Variants in GNAI3 observed in about 807,000 individuals in gnomAD.
GNAI3 encodes the protein G protein subunit alpha i3.
Under a neutral mutation model 41.8 loss-of-function variants are expected in GNAI3, and 12 were observed. The ratio of observed to expected loss-of-function variants is 0.29; its 90% CI spans 0.18 to 0.47. The LOEUF is 0.47. GNAI3 is among the 20% of genes least tolerant of loss of function. The pLI is 1.00. For missense variants in GNAI3, 360 were observed against 429.6 expected (o/e 0.84, Z 1.43); for synonymous variants, 132 against 146.5 (o/e 0.90, Z 0.71).
Position 109,591,607 on chromosome 1 carries a change from C to G in GNAI3, c.875-436C>G, listed in dbSNP as rs544385306. ...CTGTGCTAATCTTCTCTGTATTGTT[C>G]CAATTTTAGTACATGTGCTACCAAA... On this transcript the variant is annotated intron_variant, in intron 7 of 8. Transcript: ENST00000369851. 68 of 478,416 alleles carry G rather than the reference C, an allele frequency of 1.4e-4. 1 individual carries two copies. The highest frequency in any genetic ancestry group is 2.3e-4 in the Non-Finnish European group (60 of 262,982). The allele number at this position is 478,416 out of a possible 1,614,324, so 29.6% of individuals were successfully genotyped here. A position where few individuals can be genotyped will look rare whatever the true frequency, so the allele number is the denominator to read the frequency against.
rs1404320775 is a variant in GNAI3, at chr1:109,593,973, A to G, written c.*1651A>G. 1 of 152,670 alleles carries G rather than the reference A, an allele frequency of 6.6e-6. No homozygotes were observed. Among genetic ancestry groups the G allele is most frequent in the Admixed American group, 6.5e-5 (1 of 15,284 alleles). The allele number at this position is 152,670 out of a possible 1,614,324, so 9.5% of individuals were successfully genotyped here. On this transcript the variant is annotated 3_prime_UTR_variant, in exon 9 of 9. Transcript: ENST00000369851. ...GTTTACAAAAAAAAGGTTGGTGGTCAACAAAAAAAGCAAGTCATAGCAGTT... is the reference window on the plus strand; with the variant it reads ...GTTTACAAAAAAAAGGTTGGTGGTCGACAAAAAAAGCAAGTCATAGCAGTT...
intron 4 of GNAI3, 28 bp from the exon 5 acceptor site, chr1:109,582,409 A>G (rs745708992): frequency 5.0e-6 from 8 of 1,593,456 alleles, no homozygotes; most frequent in Middle Eastern, 1.7e-4. Flanking sequence ...GGCTTCACCA[A>G]GTAAAAGTAA....
At chr1:109,572,313 T>TAAG (rs750952616) in intron 1 of GNAI3, among the ~76,000 whole-genome samples, 1 of 151,708 alleles carries the variant, frequency 6.6e-6, no homozygotes, top group Non-Finnish European at 1.5e-5. Context: ...CCATCTCAAA[T>TAAG]AATAATAATA....
At chr1:109,553,639 C>T (rs903412536) in intron 1 of GNAI3, among the ~76,000 whole-genome samples, 6 of 151,904 alleles carry the variant, frequency 3.9e-5, no homozygotes, top group Non-Finnish European at 5.9e-5. Context: ...ATCTGTGTTT[C>T]GGGGAAAAAA....
rs1441126091 is a variant in GNAI3, at chr1:109,599,525, T to C, written c.*7203T>C. On this transcript the variant is annotated 3_prime_UTR_variant, in exon 9 of 9. Transcript: ENST00000369851. ...TTTTGTGTCAATCATATTGTATTTT[T>C]GTCTAAAAAAGGAAAACTATCAGAT... The C allele has an allele frequency of 6.6e-6, 1 of 152,232 alleles. No individual in the cohort carries two copies. Among genetic ancestry groups the C allele is most frequent in the East Asian group, 1.9e-4 (1 of 5,198 alleles). The allele number at this position is 152,232 out of a possible 1,614,324, so 9.4% of individuals were successfully genotyped here.
chr1:109,579,574 C>G (rs1648835990), intron 4 of GNAI3, among the ~76,000 whole-genome samples: 1 of 152,176 alleles, frequency 6.6e-6, no homozygotes, highest in Non-Finnish European at 1.5e-5. Context: ...AAATGGGAGA[C>G]TTGGCACCAC....
chr1:109,592,348 C>CT lies in GNAI3; in HGVS notation c.*27dup. The CT allele has an allele frequency of 1.5e-6, 1 of 686,266 alleles. No individual in the cohort carries two copies. Among genetic ancestry groups the CT allele is most frequent in the Middle Eastern group, 3.3e-4 (1 of 3,000 alleles). The allele number at this position is 686,266 out of a possible 1,614,324, so 42.5% of individuals were successfully genotyped here. A position where few individuals can be genotyped will look rare whatever the true frequency, so the allele number is the denominator to read the frequency against. The stretch of plus-strand genomic sequence containing the variant: ...TAAGAATATTCTTCTCTTCTAGTTA[C>CT]TACAGTGTGGAGTGTTGAGACCAGA... On this transcript the variant is annotated 3_prime_UTR_variant, in exon 9 of 9. Transcript: ENST00000369851.
At chr1:109,564,485 G>C (rs184607401) in intron 1 of GNAI3, among the ~76,000 whole-genome samples, 1 of 151,756 alleles carries the variant, frequency 6.6e-6, no homozygotes, top group Non-Finnish European at 1.5e-5. Flanking sequence ...ATATTTTTCT[G>C]TTCTCTTCTC....
chr1:109,561,850 C>T (rs753780307), intron 1 of GNAI3, among the ~76,000 whole-genome samples: 6 of 151,768 alleles, frequency 4.0e-5, no homozygotes, highest in South Asian at 2.1e-4. Flanking sequence ...TTTTACTAAG[C>T]GAGAAGCTGG....
At chr1:109,586,428 A>G in intron 6 of GNAI3, 83 bp downstream of exon 6, 1 of 1,347,286 alleles carries the variant, frequency 7.4e-7, no homozygotes, top group Non-Finnish European at 1.0e-6. Flanking sequence ...ATCTGCATCC[A>G]TTTCCTCATT....
intron 4 of GNAI3, among the ~76,000 whole-genome samples, chr1:109,582,079 G>C (rs1648903084): frequency 1.3e-5 from 2 of 152,022 alleles, no homozygotes; most frequent in Admixed American, 6.6e-5. Context: ...GACCTCTTGG[G>C]TTCAAGTGAT....
chr1:109,586,577 T>C (rs1012803805), intron 6 of GNAI3, 152 bp from the exon 7 acceptor site: 1 of 684,320 alleles, frequency 1.5e-6, no homozygotes, highest in African/African-American at 1.8e-5. Context: ...ATTACAAAAA[T>C]GAGGACTGAC....
At position 109,586,890 on chromosome 1, in the gene GNAI3, G is replaced by A. The variant is rs1369904424; in HGVS notation, c.874+8G>A. The stretch of plus-strand genomic sequence containing the variant: ...GTTATCCAGAATACACAGGTAAGGG[G>A]TTATGAAAGATTTTATTGGAGGTAC... On this transcript the variant is annotated splice_region_variant and intron_variant, in intron 7 of 8. Transcript: ENST00000369851. The A allele has an allele frequency of 8.9e-6, 14 of 1,580,076 alleles. No individual in the cohort carries two copies. The highest frequency in any genetic ancestry group is 1.2e-5 in the Non-Finnish European group (14 of 1,152,400).
In GNAI3 at chr1:109,593,499, G is replaced by A. The variant is rs994333201; in HGVS notation, c.*1177G>A. 2 of 152,622 alleles carry A rather than the reference G, an allele frequency of 1.3e-5. No individual in the cohort carries two copies. Among genetic ancestry groups the A allele is most frequent in the African/African-American group, 4.8e-5 (2 of 41,454 alleles). The allele number at this position is 152,622 out of a possible 1,614,324, so 9.5% of individuals were successfully genotyped here. On this transcript the variant is annotated 3_prime_UTR_variant, in exon 9 of 9. Coordinates refer to ENST00000369851, the MANE Select transcript of GNAI3 (RefSeq NM_006496.4). The stretch of plus-strand genomic sequence containing the variant: ...TATAGTTGGCGGCAGTATTAAAATG[G>A]TGAGTAAAGAGCCCAGGTTTGCTCC...
chr1:109,556,832 T>G (rs1234062323), intron 1 of GNAI3, among the ~76,000 whole-genome samples: 1 of 152,192 alleles, frequency 6.6e-6, no homozygotes, highest in Non-Finnish European at 1.5e-5. Flanking sequence ...ACCAGAAAAA[T>G]TTTTAAAAAC....
intron 5 of GNAI3, 109 bp downstream of exon 5, chr1:109,582,674 A>C: frequency 1.5e-6 from 1 of 688,510 alleles, no homozygotes; most frequent in Non-Finnish European, 2.6e-6. Context: ...CCTTGGTTTA[A>C]ACTTAACATA....
intron 1 of GNAI3, among the ~76,000 whole-genome samples, chr1:109,569,847 A>G (rs1648548004): frequency 6.6e-6 from 1 of 151,810 alleles, no homozygotes; most frequent in African/African-American, 2.4e-5. Context: ...ATAGGGTAGG[A>G]TTAATGAGAT....
intron 7 of GNAI3, 132 bp from the exon 8 acceptor site, chr1:109,591,911 T>C: frequency 3.9e-6 from 2 of 512,894 alleles, no homozygotes; most frequent in South Asian, 4.3e-5. Flanking sequence ...CTAATGATTA[T>C]AGAAATAGAG....
chr1:109,588,158 A>G (rs978880356), intron 7 of GNAI3, among the ~76,000 whole-genome samples: 4 of 151,982 alleles, frequency 2.6e-5, no homozygotes, highest in Admixed American at 2.6e-4. Flanking sequence ...AGGCGGGTGA[A>G]TCATGAGGTT....
Sources: gnomAD v4.1 joint callset for allele counts (sites outside exome capture counted in the v4.1 genomes callset) on GRCh38, gnomAD v4.1.1 for gene constraint, MANE v1.5 for transcripts, NCBI Gene and HGNC (gene_info 2026-07-23, HGNC 2026-07-21) for gene names.